Variants in DOCK2 observed in about 807,000 individuals in gnomAD.
DOCK2 encodes the protein dedicator of cytokinesis 2.
Under a neutral mutation model 248.9 loss-of-function variants are expected in DOCK2, and 87 were observed. The ratio of observed to expected loss-of-function variants is 0.35; its 90% confidence interval spans 0.29 to 0.42. The LOEUF (loss-of-function observed/expected upper bound fraction) is 0.42. Among genes scored for constraint, DOCK2 ranks in the 10% least tolerant of loss-of-function variants. The pLI is 1.00. For missense variants in DOCK2, 1,747 were observed against 2,300.2 expected (o/e 0.76, Z 4.92); for synonymous variants, 805 against 821.6 (o/e 0.98, Z 0.35).
intron 26 of DOCK2, among the ~76,000 whole-genome samples, chr5:169,823,647 A>G (rs962433496): frequency 3.5e-4 from 53 of 152,322 alleles, no homozygotes; most frequent in African/African-American, 1.2e-3. Context: ...ATTTATGACA[A>G]ACCCACAGCC....
At chr5:169,927,007 T>C (rs528434952) in intron 27 of DOCK2, among the ~76,000 whole-genome samples, 400 of 152,286 alleles carry the variant, frequency 2.6e-3, no homozygotes, top group African/African-American at 9.3e-3. Context: ...TCTCTGACAT[T>C]TGTGTTAAGA....
chr5:170,034,123 T>A (rs1196850188), intron 34 of DOCK2, among the ~76,000 whole-genome samples: 2 of 152,236 alleles, frequency 1.3e-5, no homozygotes, highest in Non-Finnish European at 2.9e-5. Context: ...AAAGTTTTCT[T>A]GATTTATTCT....
rs567499897 is a variant in DOCK2, at chr5:170,062,102, T to A, written c.4467+4436T>A. 2.6e-3 allele frequency among the ~76,000 whole-genome samples: 226 copies of A among 86,138 alleles called. 2 individuals carry two copies. The South Asian group carries it at 0.038, about 15-fold the overall frequency. The allele number at this position is 86,138 out of a possible 152,430, so 56.5% of individuals were successfully genotyped here. A position where few individuals can be genotyped will look rare whatever the true frequency, so the allele number is the denominator to read the frequency against. The stretch of plus-strand genomic sequence containing the variant: ...GTATCTATGTGTGTATGTATATGAG[T>A]GTGTGTGTGTGTGTGTGTGTGTGTG... On this transcript the variant is annotated intron_variant, in intron 44 of 51. Transcript: ENST00000520908.
chr5:169,920,109 G>C (rs764638711), intron 27 of DOCK2, among the ~76,000 whole-genome samples: 15 of 152,112 alleles, frequency 9.9e-5, no homozygotes, highest in Non-Finnish European at 2.2e-4. Context: ...GAAACACCAA[G>C]AGATTGGCTT....
At position 169,835,942 on chromosome 5, in the gene DOCK2, G is replaced by A. The variant is rs564441156; in HGVS notation, c.2704-4815G>A. ...GCTAATTTTTGATATTTTTAGTAGA[G>A]ATGGGATTTCGCCCTGTTGCCCAGG... On this transcript the variant is annotated intron_variant, in intron 26 of 51. Coordinates refer to ENST00000520908, the MANE Select transcript of DOCK2 (RefSeq NM_004946.3). Among the ~76,000 whole-genome samples the A allele has an allele frequency of 2.6e-5, 4 of 151,982 alleles. No homozygotes were observed. The South Asian group carries it at 8.3e-4, about 32-fold the overall frequency.
rs4867574 is a variant in DOCK2, at chr5:169,841,555, G to A, written c.2799+703G>A. ...TGCCAATGGTTGTCCATCTCACTCA[G>A]AATAAAATCCAAACATTGCCAGGCC... On this transcript the variant is annotated intron_variant, in intron 27 of 51. Coordinates refer to ENST00000520908, the MANE Select transcript of DOCK2 (RefSeq NM_004946.3). 3,650 of 717,616 alleles carry A rather than the reference G, an allele frequency of 5.1e-3. 128 individuals carry two copies. In the South Asian group the frequency reaches 0.089, roughly 17 times the overall value. 44.5% of individuals were successfully genotyped at this position (717,616 alleles called of 1,614,324 possible).
chr5:169,698,890 G>A (rs1760792601), intron 11 of DOCK2, among the ~76,000 whole-genome samples: 1 of 152,146 alleles, frequency 6.6e-6, no homozygotes, highest in African/African-American at 2.4e-5. Context: ...TGGTTCTCAT[G>A]GATAGACGTA....
In DOCK2 at chr5:169,841,823, T is replaced by C. The variant is rs934342810; in HGVS notation, c.2799+971T>C. 4.6e-5 allele frequency among the ~76,000 whole-genome samples: 7 copies of C among 152,364 alleles called. No individual in the cohort carries two copies. In the South Asian group the frequency reaches 1.4e-3, roughly 32 times the overall value. On this transcript the variant is annotated intron_variant, in intron 27 of 51. Transcript: ENST00000520908. Reference sequence around the variant, plus strand: ...TTATCTTATTTGGTTATTGTCTAGCTATCCTCATGAGAATATGAGCTCCAG... The same window carrying C: ...TTATCTTATTTGGTTATTGTCTAGCCATCCTCATGAGAATATGAGCTCCAG...
At chr5:169,775,036 G>C (rs141941995) in intron 25 of DOCK2, among the ~76,000 whole-genome samples, 53 of 152,256 alleles carry the variant, frequency 3.5e-4, no homozygotes, top group African/African-American at 1.3e-3. Flanking sequence ...AGCCCCCGGA[G>C]TAGCTGGGAT....
intron 5 of DOCK2, among the ~76,000 whole-genome samples, chr5:169,673,644 C>T (rs1195001980): frequency 2.6e-5 from 4 of 152,138 alleles, no homozygotes; most frequent in African/African-American, 7.2e-5. Context: ...CCTTAGCCTC[C>T]GGAACATGCT....
chr5:169,765,298 T>C (rs561062920), intron 25 of DOCK2, among the ~76,000 whole-genome samples: 1 of 152,304 alleles, frequency 6.6e-6, no homozygotes, highest in South Asian at 2.1e-4. Flanking sequence ...AGCCTAGGAA[T>C]TGCAGGAGTA....
At chr5:169,944,057 A>T (rs1181293107) in intron 27 of DOCK2, among the ~76,000 whole-genome samples, 1 of 152,212 alleles carries the variant, frequency 6.6e-6, no homozygotes, top group South Asian at 2.1e-4. Flanking sequence ...AGTGCTGACC[A>T]TGTGCCAGGA....
In DOCK2 at chr5:170,034,587, A is replaced by G. The variant is rs200057853; in HGVS notation, c.3624+32A>G. 868 of 1,611,738 alleles carry G rather than the reference A, an allele frequency of 5.4e-4. 4 individuals are homozygous for G. Among genetic ancestry groups the G allele is most frequent in the Middle Eastern group, 3.3e-4 (2 of 6,058 alleles). On this transcript the variant is annotated intron_variant, in intron 35 of 51. Coordinates refer to ENST00000520908, the MANE Select transcript of DOCK2 (RefSeq NM_004946.3). ...GGGGCTGGCGGGTCCAAGTCAGACC[A>G]GAACCCTGTGGGGGGGCTTGGGCTT...
chr5:169,790,246 A>G (rs983795068), intron 25 of DOCK2, among the ~76,000 whole-genome samples: 6 of 152,194 alleles, frequency 3.9e-5, no homozygotes, highest in Non-Finnish European at 8.8e-5. Flanking sequence ...AGCTGCTCAT[A>G]TTGATTCAAA....
chr5:170,062,155 G>C (rs1377806995), intron 44 of DOCK2, among the ~76,000 whole-genome samples: 2 of 151,966 alleles, frequency 1.3e-5, no homozygotes, highest in Non-Finnish European at 2.9e-5. Flanking sequence ...GAGACAGAGA[G>C]AGTGAGTCAG....
rs1235475209 is a variant in DOCK2, at chr5:170,023,551, TG to T, written c.3382-4309del. Among the ~76,000 whole-genome samples, 3 of 152,160 alleles carry T rather than the reference TG, an allele frequency of 2.0e-5. No homozygotes were observed. In the East Asian group the frequency reaches 5.8e-4, roughly 29 times the overall value. On this transcript the variant is annotated intron_variant, in intron 33 of 51. Coordinates refer to ENST00000520908, the MANE Select transcript of DOCK2 (RefSeq NM_004946.3). The stretch of plus-strand genomic sequence containing the variant: ...AGCCTCAGCTTCTTCATCTGTAAAG[TG>T]GGTATCCAACTGCCATTAGAGGTTC...
At chr5:169,653,779 A>G (rs1229713939) in intron 1 of DOCK2, among the ~76,000 whole-genome samples, 2 of 152,248 alleles carry the variant, frequency 1.3e-5, no homozygotes, top group Non-Finnish European at 2.9e-5. Flanking sequence ...CCATTAGAAT[A>G]CAAGGCCCTG....
In DOCK2 at chr5:169,708,177, T is replaced by G; in HGVS notation, c.1392T>G (p.Ile464Met). 2 of 1,613,880 alleles carry G rather than the reference T, an allele frequency of 1.2e-6. No homozygotes were observed. The highest frequency in any genetic ancestry group is 1.7e-6 in the Non-Finnish European group (2 of 1,179,930). Reference sequence around the variant, plus strand: ...TGTTTTTCTTGGGTCAGAATGCAATTTGCGTGGGAGCAGGGGACAAGCCCA... The same window carrying G: ...TGTTTTTCTTGGGTCAGAATGCAATGTGCGTGGGAGCAGGGGACAAGCCCA... ...AEDGKTLPNA[I>M]CVGAGDKPMN... The change falls in exon 15 of 52, where the codon ATT becomes ATG. Residue 464 changes from isoleucine to methionine, a missense_variant. Physicochemically the swap from Ile to Met is conservative, Grantham distance 10. This residue lies in a region of DOCK2 where 858 missense variants were observed against 1,183.5 expected (regional missense o/e 0.72). Transcript: ENST00000520908.
At chr5:169,875,228 A>T (rs1299980770) in intron 27 of DOCK2, 2 of 456,620 alleles carry the variant, frequency 4.4e-6, no homozygotes, top group Non-Finnish European at 8.8e-6. Context: ...ATTCCCAGGG[A>T]GCTTGCTGCA....
Sources: gnomAD v4.1 joint callset for allele counts (sites outside exome capture counted in the v4.1 genomes callset) on GRCh38, gnomAD v4.1.1 for gene constraint, gnomAD v4.1.1 regional missense constraint, MANE v1.5 for transcripts, NCBI Gene and HGNC (gene_info 2026-07-23, HGNC 2026-07-21) for gene names.